The following GPATCH2L variants were observed in gnomAD, a reference collection of about 807,000 sequenced individuals.
The protein encoded by GPATCH2L is G-patch domain containing 2 like, also known as G patch domain-containing protein 2-like.
In GPATCH2L, 31 loss-of-function variants were observed where a neutral mutation model predicts 57.4. The observed-to-expected ratio is 0.54, with a 90% CI of 0.41 to 0.73. The LOEUF (loss-of-function observed/expected upper bound fraction) is 0.73, where lower values mean the gene tolerates loss of function less well. Among genes scored for constraint, GPATCH2L ranks in the 30% least tolerant of loss-of-function variants. GPATCH2L has a pLI of 0.00. For missense variants in GPATCH2L, 481 were observed against 599.9 expected, an observed-to-expected ratio of 0.80 and a Z score of 2.07; for synonymous variants, 199 against 210.7, an observed-to-expected ratio of 0.94 and a Z score of 0.48.
rs774436831 is a variant in GPATCH2L at position 76,180,772 on chromosome 14, CCT to C, written c.1117_1118del (p.Leu373ValfsTer38). The C allele has an allele frequency of 3.7e-6, 6 of 1,609,430 alleles. No homozygotes were observed. The African/African-American group carries it at 5.3e-5, about 14-fold the overall frequency. ...CTTATTCATTCCTGCAGTTCAATCC[CCT>C]GTCTCCCCTTTACTCCCTGGATGTT... The part of the protein sequence containing the change: ...ISACAHEFNP[L>X]SPLYSLDVLA... On this transcript the variant is annotated frameshift_variant, in exon 8 of 10. Transcript: ENST00000261530. LOFTEE classifies it high-confidence loss of function.
intron 4 of GPATCH2L, among the ~76,000 whole-genome samples, chr14:76,173,282 A>C (rs941292676): frequency 6.6e-6 from 1 of 152,104 alleles, no homozygotes; most frequent in Non-Finnish European, 1.5e-5. Context: ...TGGGTCTTCA[A>C]AACAGCCCAG....
chr14:76,160,618 C>T (rs368810473), intron 2 of GPATCH2L, among the ~76,000 whole-genome samples: 19 of 152,138 alleles, frequency 1.2e-4, no homozygotes, highest in South Asian at 1.2e-3. Context: ...TCTACTGAGA[C>T]GGAGATTTTA....
At chr14:76,200,804 G>A (rs1307667002) in intron 9 of GPATCH2L, among the ~76,000 whole-genome samples, 1 of 152,062 alleles carries the variant, frequency 6.6e-6, no homozygotes, top group Non-Finnish European at 1.5e-5. Context: ...TTTAGGTTAC[G>A]TTTCTGGGAC....
chr14:76,195,015 A>G (rs1337038483), intron 8 of GPATCH2L, among the ~76,000 whole-genome samples: 1 of 152,160 alleles, frequency 6.6e-6, no homozygotes, highest in Non-Finnish European at 1.5e-5. Flanking sequence ...GAAGCAAGAT[A>G]TATGCACACC....
At chr14:76,161,260 TTTG>T (rs1228741220) in intron 2 of GPATCH2L, among the ~76,000 whole-genome samples, 1 of 152,212 alleles carries the variant, frequency 6.6e-6, no homozygotes, top group East Asian at 1.9e-4. Context: ...AACTTTTATT[TTTG>T]TTAAGTGCAT....
intron 1 of GPATCH2L, among the ~76,000 whole-genome samples, chr14:76,225,886 GAA>G (rs1176203953): frequency 9.9e-5 from 15 of 152,168 alleles, no homozygotes; most frequent in African/African-American, 3.6e-4. Flanking sequence ...AGTCATCCAT[GAA>G]ATGCAAATTA....
intron 1 of GPATCH2L, chr14:76,152,904 T>A (rs1024480025): frequency 2.7e-6 from 1 of 375,412 alleles, no homozygotes; most frequent in Non-Finnish European, 5.2e-6. Flanking sequence ...TAGGGACAGT[T>A]GTCTCCCAAA....
chr14:76,174,035 TAA>T (rs201039232), intron 5 of GPATCH2L: 8 of 165,794 alleles, frequency 4.8e-5, no homozygotes, highest in East Asian at 1.5e-4. Flanking sequence ...TAGAATTCAT[TAA>T]AAAAAAAAAA....
intron 3 of GPATCH2L, among the ~76,000 whole-genome samples, chr14:76,171,329 C>G (rs2139656338): frequency 6.6e-6 from 1 of 151,182 alleles, no homozygotes; most frequent in East Asian, 1.9e-4. Flanking sequence ...AATCCCAGCA[C>G]TTTGGGAGGC....
At chr14:76,173,843 A>G in intron 5 of GPATCH2L, 1 of 520,914 alleles carries the variant, frequency 1.9e-6, no homozygotes. Flanking sequence ...CTGACAAAAA[A>G]AAAAAACACT....
intron 1 of GPATCH2L, among the ~76,000 whole-genome samples, chr14:76,220,938 A>C (rs1471249852): frequency 6.6e-6 from 1 of 152,170 alleles, no homozygotes; most frequent in African/African-American, 2.4e-5. Context: ...GCTAAAAGTC[A>C]GTCTAAGTAC....
At chr14:76,199,541 G>A (rs2040253367) in intron 9 of GPATCH2L, among the ~76,000 whole-genome samples, 1 of 152,112 alleles carries the variant, frequency 6.6e-6, no homozygotes, top group South Asian at 2.1e-4. Context: ...CATTTGGATT[G>A]TATTCCTGTT....
At chr14:76,169,265 G>A (rs182737433) in intron 3 of GPATCH2L, among the ~76,000 whole-genome samples, 3 of 152,188 alleles carry the variant, frequency 2.0e-5, no homozygotes, top group East Asian at 3.9e-4. Flanking sequence ...GTTATTGTTT[G>A]TAGGTACGAG....
In GPATCH2L at chr14:76,212,144, T is replaced by G. The variant is rs1308187291; in HGVS notation, c.*10293T>G. 8 of 151,990 alleles carry G rather than the reference T, an allele frequency of 5.3e-5. No individual in the cohort carries two copies. 9.4% of individuals were successfully genotyped at this position (151,990 alleles called of 1,614,324 possible). A position where few individuals can be genotyped will look rare whatever the true frequency, so the allele number is the denominator to read the frequency against. ...GAAGAAAAATTCAGACTGCTAATTA[T>G]GAGAAAAAACATGTATGCACAACCA... is the stretch of plus-strand genomic sequence containing the variant. On this transcript the variant is annotated 3_prime_UTR_variant, in exon 10 of 10. Coordinates refer to ENST00000261530, the MANE Select transcript of GPATCH2L (RefSeq NM_017926.4).
chr14:76,235,177 A>G (rs1252520960), intron 2 of GPATCH2L, among the ~76,000 whole-genome samples: 1 of 151,882 alleles, frequency 6.6e-6, no homozygotes, highest in African/African-American at 2.4e-5. Flanking sequence ...TCAAAAAAAA[A>G]AAAAAAAGAA....
intron 1 of GPATCH2L, among the ~76,000 whole-genome samples, chr14:76,224,504 ATAGTGAACACT>A (rs1378914912): frequency 1.3e-5 from 2 of 152,208 alleles, no homozygotes; most frequent in Non-Finnish European, 2.9e-5. Context: ...ATACTTATTC[ATAGTGAACACT>A]TAACACACTA....
chr14:76,233,231 A>C (rs1328690602), intron 2 of GPATCH2L, among the ~76,000 whole-genome samples: 1 of 152,202 alleles, frequency 6.6e-6, no homozygotes, highest in Non-Finnish European at 1.5e-5. Context: ...CATATTGCCA[A>C]AATGCTTCCC....
intron 3 of GPATCH2L, among the ~76,000 whole-genome samples, chr14:76,171,495 T>A (rs1317537478): frequency 6.6e-6 from 1 of 151,978 alleles, no homozygotes; most frequent in Non-Finnish European, 1.5e-5. Context: ...AGAGAATTGC[T>A]TGAACCCGGG....
intron 8 of GPATCH2L, among the ~76,000 whole-genome samples, chr14:76,194,602 C>T (rs1661574475): frequency 6.6e-6 from 1 of 152,080 alleles, no homozygotes; most frequent in Admixed American, 6.6e-5. Flanking sequence ...CATTCAACAG[C>T]TGCCTTGTTG....
Sources: allele counts gnomAD v4.1 joint callset (sites outside exome capture counted in the v4.1 genomes callset), GRCh38; gene constraint gnomAD v4.1.1; transcripts MANE v1.5; gene names NCBI Gene and HGNC (gene_info 2026-07-23, HGNC 2026-07-21).